EBF3: variants seen among roughly 807,000 people sequenced by gnomAD.
The protein encoded by EBF3 is EBF transcription factor 3, also known as transcription factor COE3.
EBF3 carries 18 observed loss-of-function variants against 77.1 expected under a neutral mutation model. That is an observed-to-expected ratio of 0.23 (90% CI 0.16 to 0.35). The LOEUF (loss-of-function observed/expected upper bound fraction) is 0.35, where lower values mean the gene tolerates loss of function less well. Ranked by LOEUF, EBF3 falls within the 10% of genes least tolerant of loss-of-function variation. EBF3 has a pLI of 1.00. For missense variants in EBF3, 558 were observed against 860.0 expected (o/e 0.65, Z 4.39); for synonymous variants, 350 against 343.5 (o/e 1.02, Z -0.21).
chr10:129,933,304 G>A (rs1277543211), intron 6 of EBF3, among the ~76,000 whole-genome samples: 1 of 152,216 alleles, frequency 6.6e-6, no homozygotes, highest in African/African-American at 2.4e-5. Context: ...AATAACTGCT[G>A]CGAATTATGC....
chr10:129,915,073 G>A (rs1309352541), intron 6 of EBF3, among the ~76,000 whole-genome samples: 3 of 152,188 alleles, frequency 2.0e-5, no homozygotes, highest in African/African-American at 7.2e-5. Context: ...ACTGTGTGAA[G>A]AGGTCAAGGA....
rs1374589164 is a variant in EBF3 at position 129,952,217 on chromosome 10, T to C, written c.554+5041A>G. On this transcript the variant is annotated intron_variant, in intron 6 of 16. Transcript: ENST00000440978. The surrounding 1 kb of genome is among the most constrained non-coding windows in gnomAD (Gnocchi z 4.7). Reference sequence around the variant, plus strand: ...ACCCCAAGGCCTATCCAATGATAATTATATTCACATCTTTAAGAAAACTGA... The same window carrying C: ...ACCCCAAGGCCTATCCAATGATAATCATATTCACATCTTTAAGAAAACTGA... 2.0e-5 allele frequency among the ~76,000 whole-genome samples: 3 copies of C among 152,232 alleles called. No individual in the cohort carries two copies. Among genetic ancestry groups the C allele is most frequent in the Admixed American group, 2.0e-4 (3 of 15,280 alleles).
intron 6 of EBF3, among the ~76,000 whole-genome samples, chr10:129,953,063 G>A (rs1589949041): frequency 6.7e-6 from 1 of 149,662 alleles, no homozygotes. Flanking sequence ...GAAGAAGAAA[G>A]AAAGAAAAGA....
At chr10:129,911,320 A>G (rs1354027405) in intron 6 of EBF3, among the ~76,000 whole-genome samples, 1 of 152,200 alleles carries the variant, frequency 6.6e-6, no homozygotes, top group African/African-American at 2.4e-5. Context: ...GCTGGATAGA[A>G]GCATTGCAGA....
intron 6 of EBF3, among the ~76,000 whole-genome samples, chr10:129,913,456 A>G (rs971500221): frequency 1.3e-5 from 2 of 152,240 alleles, no homozygotes; most frequent in African/African-American, 4.8e-5. Context: ...TGGATGAATA[A>G]ACATGGATAG....
At chr10:129,948,534 C>T (rs903561486) in intron 6 of EBF3, among the ~76,000 whole-genome samples, 1 of 143,312 alleles carries the variant, frequency 7.0e-6, no homozygotes, top group East Asian at 2.1e-4. Context: ...ATGTCAACTG[C>T]AGACTTTAGT....
chr10:129,961,121 G>A (rs1314720582), intron 4 of EBF3, among the ~76,000 whole-genome samples: 2 of 152,334 alleles, frequency 1.3e-5, no homozygotes, highest in East Asian at 1.9e-4. Flanking sequence ...GCAGAGAGTG[G>A]GAGGCATATG....
chr10:129,939,178 C>T (rs1386671097), intron 6 of EBF3, among the ~76,000 whole-genome samples: 1 of 152,240 alleles, frequency 6.6e-6, no homozygotes, highest in Non-Finnish European at 1.5e-5. Flanking sequence ...GAGAGCAGAG[C>T]AGTGGCAGCC....
intron 6 of EBF3, among the ~76,000 whole-genome samples, chr10:129,953,265 A>G (rs1858806396): frequency 6.6e-6 from 1 of 152,182 alleles, no homozygotes. Flanking sequence ...TGGAAGGTTA[A>G]GCAAATAATA....
At chr10:129,838,028 G>C (rs538766718) in intron 16 of EBF3, 68 bp from the exon 17 acceptor site, 1 of 1,578,828 alleles carries the variant, frequency 6.3e-7, no homozygotes, top group Non-Finnish European at 8.7e-7. Context: ...ACGCTGACGC[G>C]GGCGGGGCTG....
At chr10:129,945,511 A>T (rs1018486947) in intron 6 of EBF3, among the ~76,000 whole-genome samples, 1 of 152,206 alleles carries the variant, frequency 6.6e-6, no homozygotes, top group African/African-American at 2.4e-5. Context: ...TCCATCTATG[A>T]TGATAAATTA....
intron 7 of EBF3, among the ~76,000 whole-genome samples, chr10:129,875,309 T>C (rs768901634): frequency 1.3e-5 from 2 of 150,370 alleles, no homozygotes; most frequent in Admixed American, 1.3e-4. Flanking sequence ...CCATTCTCCT[T>C]CCTCAGCCTC....
chr10:129,925,407 T>C (rs1330765366), intron 6 of EBF3, among the ~76,000 whole-genome samples: 1 of 151,788 alleles, frequency 6.6e-6, no homozygotes, highest in Non-Finnish European at 1.5e-5. Context: ...CTGGCCAACA[T>C]AGTGAGACCC....
chr10:129,885,561 T>A lies in EBF3; in HGVS notation c.555-7712A>T, dbSNP rs548634643. The stretch of plus-strand genomic sequence containing the variant: ...CACTATATTTACACTAGGGTTCTTG[T>A]TTCAAGTGCCTATCTTTCTTTCCCC... On this transcript the variant is annotated intron_variant, in intron 6 of 16. Coordinates refer to ENST00000440978, the MANE Select transcript of EBF3 (RefSeq NM_001375380.1). This position sits in a 1 kb window ranked among gnomAD's most constrained non-coding sequence, Gnocchi z 4.0. Among the ~76,000 whole-genome samples the A allele has an allele frequency of 6.6e-6, 1 of 152,204 alleles. No homozygotes were observed. The highest frequency in any genetic ancestry group is 1.5e-5 in the Non-Finnish European group (1 of 68,048).
rs949407538 is a variant in EBF3, at chr10:129,843,217, G to A, written c.1129-15C>T. The A allele has an allele frequency of 1.1e-5, 18 of 1,604,652 alleles. No homozygotes were observed. The highest frequency in any genetic ancestry group is 1.5e-5 in the Non-Finnish European group (18 of 1,175,604). ...AGTAACACCTCCTAAAGGAAGAGCA[G>A]ACAGGAGGTGATTCATGGGAGGAAC... On this transcript the variant is annotated splice_polypyrimidine_tract_variant and intron_variant, in intron 11 of 16. Coordinates refer to ENST00000440978, the MANE Select transcript of EBF3 (RefSeq NM_001375380.1).
chr10:129,859,221 G>GT (rs1385442111), intron 10 of EBF3, among the ~76,000 whole-genome samples: 39 of 152,178 alleles, frequency 2.6e-4, no homozygotes, highest in African/African-American at 7.7e-4. Flanking sequence ...TACTCATTTT[G>GT]CTTTTTTTTT....
intron 6 of EBF3, among the ~76,000 whole-genome samples, chr10:129,893,906 G>A (rs1403288492): frequency 2.0e-5 from 3 of 152,322 alleles, no homozygotes; most frequent in East Asian, 1.9e-4. Context: ...GGGGGTGCAC[G>A]GGGCCCCACG....
intron 11 of EBF3, chr10:129,845,229 T>C (rs972310204): frequency 6.6e-6 from 1 of 152,220 alleles, no homozygotes; most frequent in Non-Finnish European, 1.5e-5. Flanking sequence ...GTTTGTTTTG[T>C]TACAATATGC....
chr10:129,843,289 G>A (rs1178233566), intron 11 of EBF3, 87 bp from the exon 12 acceptor site: 5 of 1,419,738 alleles, frequency 3.5e-6, no homozygotes, highest in Admixed American at 2.0e-5. Context: ...CTGCGGGTGT[G>A]GAGACCAGTC....
Sources: allele counts gnomAD v4.1 joint callset (sites outside exome capture counted in the v4.1 genomes callset), GRCh38; gene constraint gnomAD v4.1.1; non-coding constraint Gnocchi (gnomAD v3.1); transcripts MANE v1.5; gene names NCBI Gene and HGNC (gene_info 2026-07-23, HGNC 2026-07-21).